GOT1: variants seen among roughly 807,000 people sequenced by gnomAD.
The protein encoded by GOT1 is glutamic-oxaloacetic transaminase 1, also known as aspartate aminotransferase, cytoplasmic.
A neutral mutation model predicts 48.2 loss-of-function variants in GOT1; 25 were observed. The ratio of observed to expected loss-of-function variants is 0.52; its 90% CI spans 0.38 to 0.72. The LOEUF (loss-of-function observed/expected upper bound fraction) is 0.72. Ranked by LOEUF, GOT1 falls within the 30% of genes least tolerant of loss-of-function variation. The pLI, the probability that GOT1 is intolerant of heterozygous loss-of-function variation, is 0.00. For missense variants in GOT1, 380 were observed against 520.1 expected, an observed-to-expected ratio of 0.73 and a Z score of 2.62; for synonymous variants, 188 against 193.8, an observed-to-expected ratio of 0.97 and a Z score of 0.25.
intron 2 of GOT1, among the ~76,000 whole-genome samples, chr10:99,418,373 G>T (rs2032924490): frequency 6.6e-6 from 1 of 151,862 alleles, no homozygotes; most frequent in Admixed American, 6.6e-5. Context: ...TATAAGAAAT[G>T]CAGTATTAGA....
intron 2 of GOT1, among the ~76,000 whole-genome samples, chr10:99,414,708 A>C (rs2134104074): frequency 6.6e-6 from 1 of 152,344 alleles, no homozygotes; most frequent in Non-Finnish European, 1.5e-5. Flanking sequence ...ACTCCTCAGC[A>C]AATGTAAAAG....
intron 2 of GOT1, 83 bp downstream of exon 2, chr10:99,420,541 C>A: frequency 1.9e-6 from 2 of 1,066,146 alleles, no homozygotes; most frequent in South Asian, 1.6e-5. Flanking sequence ...GACATAACGC[C>A]TAATATTTTA....
intron 1 of GOT1, among the ~76,000 whole-genome samples, chr10:99,426,745 A>G (rs1047582203): frequency 1.3e-5 from 2 of 152,236 alleles, no homozygotes; most frequent in East Asian, 1.9e-4. Flanking sequence ...CTGTTTACCT[A>G]TAAGGAAATT....
rs571416721 is a variant in GOT1 at position 99,422,879 on chromosome 10, C to T, written c.119-2074G>A. On this transcript the variant is annotated intron_variant, in intron 1 of 8. Coordinates refer to ENST00000370508, the MANE Select transcript of GOT1 (RefSeq NM_002079.3). The stretch of plus-strand genomic sequence containing the variant: ...TAGCTGATGAATGTACCATATTTTA[C>T]TTTGCCAGTCTCTTGTTGGACATTT... Among the ~76,000 whole-genome samples the T allele has an allele frequency of 8.5e-5, 13 of 152,332 alleles. No individual in the cohort carries two copies. In the South Asian group the frequency reaches 2.7e-3, roughly 32 times the overall value.
chr10:99,403,625 ACT>A lies in GOT1; in HGVS notation c.801_802del (p.Arg267SerfsTer12), dbSNP rs762344415. The A allele has an allele frequency of 1.2e-6, 2 of 1,613,798 alleles. No homozygotes were observed. The highest frequency in any genetic ancestry group is 1.3e-5 in the African/African-American group (1 of 74,936). On this transcript the variant is annotated frameshift_variant, in exon 7 of 9. Transcript: ENST00000370508. LOFTEE classifies it high-confidence loss of function. Reference sequence around the variant, plus strand: ...TTTTCCAACCACAGTCAGATTCCCGACTCTCTCATCTAAAGAGAGGGACCAGA... The same window carrying A: ...TTTTCCAACCACAGTCAGATTCCCGACTCTCATCTAAAGAGAGGGACCAGA...
intron 1 of GOT1, among the ~76,000 whole-genome samples, chr10:99,427,918 G>A (rs2033061868): frequency 1.3e-5 from 2 of 152,228 alleles, no homozygotes; most frequent in African/African-American, 4.8e-5. Context: ...CTCCAGAGTT[G>A]TGAGCATTCA....
intron 2 of GOT1, among the ~76,000 whole-genome samples, chr10:99,413,574 C>A (rs2032855057): frequency 6.6e-6 from 1 of 152,114 alleles, no homozygotes; most frequent in Non-Finnish European, 1.5e-5. Flanking sequence ...CATTCAAATT[C>A]AGGAAATACA....
At chr10:99,406,641 T>C (rs565660146) in intron 3 of GOT1, 85 bp downstream of exon 3, 1 of 1,374,922 alleles carries the variant, frequency 7.3e-7, no homozygotes, top group East Asian at 2.4e-5. Context: ...AGGGCTGGAT[T>C]ACATTTTCTG....
At chr10:99,407,921 C>T (rs1055335437) in intron 2 of GOT1, among the ~76,000 whole-genome samples, 11 of 151,944 alleles carry the variant, frequency 7.2e-5, no homozygotes, top group African/African-American at 1.7e-4. Flanking sequence ...TTTTAAGCCC[C>T]GCATGCATTA....
intron 2 of GOT1, among the ~76,000 whole-genome samples, chr10:99,419,865 A>T (rs574415801): frequency 1.3e-5 from 2 of 152,288 alleles, no homozygotes; most frequent in African/African-American, 2.4e-5. Flanking sequence ...CTGAATTCCT[A>T]CAACACTGAG....
At chr10:99,427,817 C>T (rs946614920) in intron 1 of GOT1, among the ~76,000 whole-genome samples, 5 of 152,184 alleles carry the variant, frequency 3.3e-5, no homozygotes, top group Non-Finnish European at 5.9e-5. Flanking sequence ...CCCAGCTCTA[C>T]CACCCAGTGG....
At chr10:99,415,038 A>G (rs1394108595) in intron 2 of GOT1, among the ~76,000 whole-genome samples, 1 of 152,242 alleles carries the variant, frequency 6.6e-6, no homozygotes, top group Non-Finnish European at 1.5e-5. Flanking sequence ...AGAACTAGAG[A>G]AGCAAGAGCA....
At chr10:99,409,056 A>T (rs2032796915) in intron 2 of GOT1, among the ~76,000 whole-genome samples, 1 of 152,088 alleles carries the variant, frequency 6.6e-6, no homozygotes, top group African/African-American at 2.4e-5. Context: ...ATACACAGGG[A>T]TTCATTCTTT....
At position 99,397,606 on chromosome 10, in the gene GOT1, T is replaced by G. The variant is rs2032617820; in HGVS notation, c.1183A>C (p.Thr395Pro). The change falls in exon 9 of 9, where the codon ACC becomes CCC. Residue 395 changes from threonine (T) to proline (P), a missense_variant. By Grantham distance (38) the Thr-to-Pro change is conservative. Coordinates refer to ENST00000370508, the MANE Select transcript of GOT1 (RefSeq NM_002079.3). The surrounding 1 kb of genome is among the most constrained non-coding windows in gnomAD (Gnocchi z 5.4). ...GTGGCCACGTAATCTAGATTTTTGG[T>G]GGTTAAGCCACTCACGTTGATTCGA... The part of the protein sequence containing the change: ...SGRINVSGLT[T>P]KNLDYVATSI... 2 of 1,614,110 alleles carry G rather than the reference T, an allele frequency of 1.2e-6. No individual in the cohort carries two copies. The highest frequency in any genetic ancestry group is 1.7e-6 in the Non-Finnish European group (2 of 1,179,990).
intron 2 of GOT1, 55 bp downstream of exon 2, chr10:99,420,569 A>C (rs576616708): frequency 7.6e-7 from 1 of 1,311,088 alleles, no homozygotes; most frequent in South Asian, 1.3e-5. Context: ...TGTATTCTCA[A>C]CATCTTTTTA....
intron 2 of GOT1, among the ~76,000 whole-genome samples, chr10:99,407,695 C>T (rs1564970593): frequency 6.6e-6 from 1 of 152,006 alleles, no homozygotes; most frequent in Non-Finnish European, 1.5e-5. Context: ...GCCTCTCAAA[C>T]TGCTGGGATT....
At chr10:99,416,743 G>A (rs1180425473) in intron 2 of GOT1, among the ~76,000 whole-genome samples, 1 of 152,066 alleles carries the variant, frequency 6.6e-6, no homozygotes, top group East Asian at 1.9e-4. Flanking sequence ...ATAGACCAAT[G>A]GAACAGAACA....
At position 99,430,238 on chromosome 10, in the gene GOT1, C is replaced by T. The variant is rs1257325338; in HGVS notation, c.118+210G>A. ...CTGCTACACCTGGTTTGTGCGGCCTCGGACACATCGCCCCTTTCCAGGGAC... is the reference window on the plus strand; with the variant it reads ...CTGCTACACCTGGTTTGTGCGGCCTTGGACACATCGCCCCTTTCCAGGGAC... On this transcript the variant is annotated intron_variant, in intron 1 of 8. Coordinates refer to ENST00000370508, the MANE Select transcript of GOT1 (RefSeq NM_002079.3). 6 of 1,434,996 alleles carry T rather than the reference C, an allele frequency of 4.2e-6. No individual in the cohort carries two copies. In the Admixed American group the frequency reaches 1.2e-4, roughly 28 times the overall value. 88.9% of individuals were successfully genotyped at this position (1,434,996 alleles called of 1,614,324 possible).
rs376926582 is a variant in GOT1 at position 99,405,597 on chromosome 10, T to G, written c.642+159A>C. Among the ~76,000 whole-genome samples the G allele has an allele frequency of 4.6e-5, 7 of 151,458 alleles. No individual in the cohort carries two copies. In the South Asian group the frequency reaches 1.5e-3, roughly 32 times the overall value. ...ATCTACCAAAACATTAACAGTATCT[T>G]TCTTTAGGTAATAAAATTTACAGTT... On this transcript the variant is annotated intron_variant, in intron 5 of 8. Transcript: ENST00000370508.
Sources: allele counts gnomAD v4.1 joint callset (sites outside exome capture counted in the v4.1 genomes callset), GRCh38; gene constraint gnomAD v4.1.1; non-coding constraint Gnocchi (gnomAD v3.1); transcripts MANE v1.5; gene names NCBI Gene and HGNC (gene_info 2026-07-23, HGNC 2026-07-21).